The following GGACT variants were observed in gnomAD, a reference collection of about 807,000 sequenced individuals.
GGACT encodes gamma-glutamylamine cyclotransferase.
For missense variants in GGACT, 241 were observed against 233.2 expected (o/e 1.03, Z -0.22); for synonymous variants, 118 against 115.3 (o/e 1.02, Z -0.15).
At chr13:100,554,083 A>G (rs905494296) in intron 2 of GGACT, among the ~76,000 whole-genome samples, 1 of 152,206 alleles carries the variant, frequency 6.6e-6, no homozygotes, top group African/African-American at 2.4e-5. Context: ...AGTTAGTACT[A>G]CACATAATTA....
At chr13:100,542,230 C>T (rs1366798777) in intron 2 of GGACT, among the ~76,000 whole-genome samples, 3 of 152,196 alleles carry the variant, frequency 2.0e-5, no homozygotes, top group Non-Finnish European at 4.4e-5. Flanking sequence ...AGAGCAACCC[C>T]GGGTGCACAG....
chr13:100,561,466 T>C (rs899646804), intron 2 of GGACT, among the ~76,000 whole-genome samples: 4 of 152,236 alleles, frequency 2.6e-5, no homozygotes, highest in African/African-American at 9.6e-5. Flanking sequence ...GCCTCCTGCC[T>C]CTTCACCCCG....
At chr13:100,574,463 C>T (rs1356598110) in intron 2 of GGACT, among the ~76,000 whole-genome samples, 2 of 152,124 alleles carry the variant, frequency 1.3e-5, no homozygotes. Context: ...GTAGTTCTAG[C>T]TACTCAAGAG....
chr13:100,542,164 T>C (rs1366777363), intron 2 of GGACT, among the ~76,000 whole-genome samples: 2 of 152,142 alleles, frequency 1.3e-5, no homozygotes, highest in Non-Finnish European at 2.9e-5. Flanking sequence ...GAATCAAGAA[T>C]AAAATGGTGT....
intron 2 of GGACT, among the ~76,000 whole-genome samples, chr13:100,577,306 C>T (rs1288967352): frequency 6.6e-6 from 1 of 151,996 alleles, no homozygotes; most frequent in Admixed American, 6.6e-5. Flanking sequence ...ATCCCAGCTA[C>T]TCGGGAGGCT....
chr13:100,574,032 G>A (rs1193355016), intron 2 of GGACT, among the ~76,000 whole-genome samples: 1 of 152,156 alleles, frequency 6.6e-6, no homozygotes, highest in Non-Finnish European at 1.5e-5. Flanking sequence ...TCCCATTACT[G>A]GGTACACATC....
At chr13:100,577,453 A>AT (rs1555335024) in intron 2 of GGACT, among the ~76,000 whole-genome samples, 72 of 148,776 alleles carry the variant, frequency 4.8e-4, no homozygotes, top group African/African-American at 1.7e-3. Context: ...AAATAAATAA[A>AT]AAGAAAAAGA....
At chr13:100,575,572 C>T (rs11840448) in intron 2 of GGACT, among the ~76,000 whole-genome samples, 4,172 of 152,148 alleles carry the variant, frequency 0.027, 188 homozygotes, top group African/African-American at 0.095. Context: ...TGGGATCAGC[C>T]CAGGCAACAT....
chr13:100,551,617 G>A (rs373317021), intron 2 of GGACT, among the ~76,000 whole-genome samples: 1 of 152,184 alleles, frequency 6.6e-6, no homozygotes, highest in Non-Finnish European at 1.5e-5. Context: ...GGCCCTTTGA[G>A]TGGGTCCCCT....
chr13:100,555,519 G>A (rs1279388434), intron 2 of GGACT, among the ~76,000 whole-genome samples: 1 of 151,850 alleles, frequency 6.6e-6, no homozygotes, highest in African/African-American at 2.4e-5. Context: ...GACAGAGTGA[G>A]ACCCCATCTC....
At position 100,561,452 on chromosome 13, in the gene GGACT, C is replaced by G. The variant is rs533775111; in HGVS notation, c.-11+22373G>C. 3.3e-5 allele frequency among the ~76,000 whole-genome samples: 5 copies of G among 152,278 alleles called. No individual in the cohort carries two copies. In the South Asian group the frequency reaches 1.0e-3, roughly 32 times the overall value. ...ATAGTTGATGGATGAAGATGGTAAG[C>G]CCTGCCTCCTGCCTCTTCACCCCGA... On this transcript the variant is annotated intron_variant, in intron 2 of 2. Coordinates refer to ENST00000683975, the MANE Select transcript of GGACT (RefSeq NM_001195087.2).
intron 2 of GGACT, among the ~76,000 whole-genome samples, chr13:100,544,859 C>T (rs1284342499): frequency 6.6e-6 from 1 of 152,240 alleles, no homozygotes; most frequent in Admixed American, 6.5e-5. Flanking sequence ...GGAAAGGAAT[C>T]ACTGGAAAAT....
chr13:100,561,239 C>A (rs1264219159), intron 2 of GGACT, among the ~76,000 whole-genome samples: 3 of 152,198 alleles, frequency 2.0e-5, no homozygotes, highest in African/African-American at 7.2e-5. Flanking sequence ...TTTTGGTTAT[C>A]ATTTTCTGGT....
At chr13:100,562,722 G>T (rs2088774081) in intron 2 of GGACT, among the ~76,000 whole-genome samples, 1 of 151,852 alleles carries the variant, frequency 6.6e-6, no homozygotes, top group Admixed American at 6.6e-5. Flanking sequence ...CTTGAACCCA[G>T]GAGGCGGAGG....
intron 2 of GGACT, among the ~76,000 whole-genome samples, chr13:100,552,572 G>A (rs533517857): frequency 5.3e-5 from 8 of 152,312 alleles, no homozygotes; most frequent in Admixed American, 2.0e-4. Flanking sequence ...GCAAGGGGCT[G>A]TGCTTTGAGT....
intron 2 of GGACT, among the ~76,000 whole-genome samples, chr13:100,561,615 G>A (rs545623630): frequency 2.2e-4 from 33 of 152,326 alleles, no homozygotes; most frequent in African/African-American, 7.9e-4. Context: ...AGTGGTACTG[G>A]TTCCCTTCTC....
At chr13:100,556,954 A>G (rs762239676) in intron 2 of GGACT, among the ~76,000 whole-genome samples, 4 of 152,116 alleles carry the variant, frequency 2.6e-5, no homozygotes, top group Non-Finnish European at 5.9e-5. Flanking sequence ...GCTCACTGCA[A>G]TCTTGGCTCA....
chr13:100,567,078 G>T (rs1874910201), intron 2 of GGACT, among the ~76,000 whole-genome samples: 1 of 152,216 alleles, frequency 6.6e-6, no homozygotes, highest in Admixed American at 6.5e-5. Context: ...TTTCCGAAAT[G>T]ATGCTATGTT....
chr13:100,543,206 T>TTTTTC (rs2088570991), intron 2 of GGACT, among the ~76,000 whole-genome samples: 1 of 116,504 alleles, frequency 8.6e-6, no homozygotes, highest in Non-Finnish European at 1.7e-5. Context: ...GCTTTTTTTT[T>TTTTTC]TTTTTTTTTT....
Sources: gnomAD v4.1 joint callset for allele counts (sites outside exome capture counted in the v4.1 genomes callset) on GRCh38, gnomAD v4.1.1 for gene constraint, MANE v1.5 for transcripts, NCBI Gene and HGNC (gene_info 2026-07-23, HGNC 2026-07-21) for gene names.